MTERF4: variants seen among roughly 807,000 people sequenced by gnomAD.
MTERF4 encodes the protein mitochondrial transcription termination factor 4, also known as transcription termination factor 4, mitochondrial.
MTERF4 carries 17 observed loss-of-function variants against 22.5 expected under a neutral mutation model. That is an observed-to-expected ratio of 0.75 (90% CI 0.52 to 1.13). The LOEUF is 1.13. MTERF4 is among the 50% of genes most tolerant of loss of function. The probability of loss-of-function intolerance (pLI) is 0.00; values close to 1 mark genes in which losing one functional copy is unlikely to be tolerated. For synonymous variants in MTERF4, 165 were observed against 175.3 expected (o/e 0.94, Z 0.47); for missense variants, 420 against 466.8 (o/e 0.90, Z 0.92).
the MTERF4 span, chr2:241,048,591 G>A: frequency 2.0e-6 from 3 of 1,512,116 alleles, no homozygotes; most frequent in African/African-American, 1.4e-5. Flanking sequence ...CAGGAGCAGG[G>A]CAGGGTCTGG....
chr2:241,061,662 G>A, the MTERF4 span, among the ~76,000 whole-genome samples: 9 of 151,984 alleles, frequency 5.9e-5, no homozygotes, highest in Non-Finnish European at 1.0e-4. Flanking sequence ...TGAGGCAGGC[G>A]GATCACGAAG....
At chr2:241,049,149 G>A in the MTERF4 span, 6 of 1,598,812 alleles carry the variant, frequency 3.8e-6, no homozygotes, top group South Asian at 6.7e-5. Context: ...AGTAGCTCGG[G>A]GACGAGCCTG....
the MTERF4 span, among the ~76,000 whole-genome samples, chr2:241,052,787 GGCAGGTAAGGCC>G: frequency 7.6e-6 from 1 of 131,932 alleles, no homozygotes; most frequent in Non-Finnish European, 1.5e-5. Flanking sequence ...GCTGGTGTCA[GGCAGGTAAGGCC>G]TGGGGGGCCC....
the MTERF4 span, chr2:241,049,777 G>A: frequency 6.6e-6 from 10 of 1,509,720 alleles, no homozygotes; most frequent in South Asian, 5.6e-5. Flanking sequence ...GCACAGATGC[G>A]GCGTAAGCTC....
chr2:241,087,632 A>G (rs2063651164), downstream of MTERF4: 1 of 1,438,246 alleles, frequency 7.0e-7, no homozygotes, highest in Admixed American at 3.0e-5. Flanking sequence ...TTCTGCTACG[A>G]AACTGTATGT....
chr2:241,088,469 C>A, downstream of MTERF4: 1 of 1,313,942 alleles, frequency 7.6e-7, no homozygotes, highest in Non-Finnish European at 1.1e-6. Context: ...ACTGCCCAGC[C>A]CCGGGATCTC....
the MTERF4 span, chr2:241,063,458 A>G: frequency 1.4e-6 from 1 of 704,996 alleles, no homozygotes; most frequent in Non-Finnish European, 2.6e-6. Flanking sequence ...GAAAAAGCAC[A>G]TGTCCTGAGT....
Position 241,076,968 on chromosome 2 carries a change from A to C in MTERF4, n.480-1286T>G, listed in dbSNP as rs563734379. Among the ~76,000 whole-genome samples, 99 of 151,764 alleles carry C rather than the reference A, an allele frequency of 6.5e-4. 1 individual carries two copies. Among genetic ancestry groups the C allele is most frequent in the Admixed American group, 1.9e-3 (29 of 15,214 alleles). ...GTGGCGGGCGCCTGTGGTCCCAGCTACTCCGGAGGCTGAGGCAGGAGAATG... is the reference window on the plus strand; with the variant it reads ...GTGGCGGGCGCCTGTGGTCCCAGCTCCTCCGGAGGCTGAGGCAGGAGAATG... On this transcript the variant is annotated intron_variant and non_coding_transcript_variant, in intron 4 of 4. Coordinates refer to the MTERF4 transcript ENST00000464344.
At chr2:241,049,954 C>A in the MTERF4 span, 4 of 1,588,318 alleles carry the variant, frequency 2.5e-6, no homozygotes, top group Non-Finnish European at 3.5e-6. Context: ...CAGGGGCGTC[C>A]GGGCCGGCGT....
At chr2:241,063,141 A>G in the MTERF4 span, among the ~76,000 whole-genome samples, 1 of 152,230 alleles carries the variant, frequency 6.6e-6, no homozygotes, top group Admixed American at 6.5e-5. Flanking sequence ...TTCAGGGCGC[A>G]GAGAAGGTGG....
the MTERF4 span, chr2:241,062,715 C>G: frequency 3.2e-6 from 3 of 943,936 alleles, no homozygotes; most frequent in East Asian, 5.2e-5. Flanking sequence ...TCTGGCCCCT[C>G]AGGACTAGTT....
At position 241,075,955 on chromosome 2, in the gene MTERF4, C is replaced by T. The variant is rs2063001370; in HGVS notation, n.480-273G>A. Among the ~76,000 whole-genome samples the T allele has an allele frequency of 6.6e-6, 1 of 152,194 alleles. No individual in the cohort carries two copies. The highest frequency in any genetic ancestry group is 2.1e-4 in the South Asian group (1 of 4,820). Reference sequence around the variant, plus strand: ...TGCTAAAAAGTCCCTTTTTCCCCCACTGTCAGTATCAAAATTCCACATATA... The same window carrying T: ...TGCTAAAAAGTCCCTTTTTCCCCCATTGTCAGTATCAAAATTCCACATATA... On this transcript the variant is annotated intron_variant and non_coding_transcript_variant, in intron 4 of 4. Transcript: ENST00000464344. This position sits in a 1 kb window ranked among gnomAD's most constrained non-coding sequence, Gnocchi z 4.8.
Position 241,099,512 on chromosome 2 carries a change from C to G in MTERF4, c.404G>C (p.Gly135Ala). 1 of 1,614,190 alleles carries G rather than the reference C, an allele frequency of 6.2e-7. No individual in the cohort carries two copies. Among genetic ancestry groups the G allele is most frequent in the Non-Finnish European group, 8.5e-7 (1 of 1,180,028 alleles). ...CACACACACAGGCTCTGGATTCAGA[C>G]CCAAGAGAATAAATTCTGAAATGAT... ...LDIISEFILL[G>A]LNPEPVCVVL... is the part of the protein sequence containing the mutation. The change falls in exon 2 of 4, where the codon GGT becomes GCT. Residue 135 changes from glycine (G) to alanine (A), a missense_variant. Transcript: ENST00000391980.
Position 241,095,762 on chromosome 2 carries a change from G to T in MTERF4, c.*236C>A. On this transcript the variant is annotated 3_prime_UTR_variant, in exon 4 of 4. Coordinates refer to ENST00000391980, the MANE Select transcript of MTERF4 (RefSeq NM_182501.4). Reference sequence around the variant, plus strand: ...AGCTCAACATAAGTATCTTATTCAGGATGGGACAGGGCCCTCCCCACAGAC... The same window carrying T: ...AGCTCAACATAAGTATCTTATTCAGTATGGGACAGGGCCCTCCCCACAGAC... 1 of 611,152 alleles carries T rather than the reference G, an allele frequency of 1.6e-6. No individual in the cohort carries two copies. Among genetic ancestry groups the T allele is most frequent in the Non-Finnish European group, 2.8e-6 (1 of 362,936 alleles). 37.9% of individuals were successfully genotyped at this position (611,152 alleles called of 1,614,324 possible).
chr2:241,051,993 C>T, the MTERF4 span: 47 of 1,560,492 alleles, frequency 3.0e-5, no homozygotes, highest in East Asian at 3.2e-4. This position sits in a 1 kb window ranked among gnomAD's most constrained non-coding sequence, Gnocchi z 4.7. Context: ...TGTTGGGGAA[C>T]GTGGGAGGGG....
chr2:241,049,159 G>C, the MTERF4 span: 4 of 1,580,248 alleles, frequency 2.5e-6, no homozygotes, highest in Non-Finnish European at 3.5e-6. Context: ...GGACGAGCCT[G>C]CTGGGCCGGG....
At chr2:241,094,438 GA>G (rs1299327929), downstream of MTERF4, 2 of 470,592 alleles carry the variant, frequency 4.2e-6, no homozygotes, top group Non-Finnish European at 8.8e-6. This position sits in a 1 kb window ranked among gnomAD's most constrained non-coding sequence, Gnocchi z 4.3. Flanking sequence ...GGCTGCTGGA[GA>G]AAACAAAAGC....
downstream of MTERF4, among the ~76,000 whole-genome samples, chr2:241,091,034 G>A (rs564772619): frequency 8.5e-5 from 13 of 152,190 alleles, no homozygotes; most frequent in South Asian, 4.1e-4. This position sits in a 1 kb window ranked among gnomAD's most constrained non-coding sequence, Gnocchi z 4.1. Flanking sequence ...ATATTTATAC[G>A]GTGGTAAGTC....
the MTERF4 span, chr2:241,053,369 C>G: frequency 6.6e-7 from 1 of 1,511,726 alleles, no homozygotes; most frequent in Non-Finnish European, 8.9e-7. Flanking sequence ...GGGGCCCACA[C>G]CCTCCTCATC....
Sources: allele counts gnomAD v4.1 joint callset (sites outside exome capture counted in the v4.1 genomes callset), GRCh38; gene constraint gnomAD v4.1.1; non-coding constraint Gnocchi (gnomAD v3.1); transcripts MANE v1.5; gene names NCBI Gene and HGNC (gene_info 2026-07-23, HGNC 2026-07-21).